MVK: variants seen among roughly 807,000 people sequenced by gnomAD.
MVK encodes mevalonate kinase.
Under a neutral mutation model 43.2 loss-of-function variants are expected in MVK, and 34 were observed. The ratio of observed to expected loss-of-function variants is 0.79; its 90% CI spans 0.60 to 1.05. The LOEUF (loss-of-function observed/expected upper bound fraction) is 1.05. Among genes scored for constraint, MVK ranks in the 50% least tolerant of loss-of-function variants. MVK has a pLI of 0.00. For missense variants in MVK, 395 were observed against 504.0 expected (o/e 0.78, Z 2.07); for synonymous variants, 190 against 219.8 (o/e 0.86, Z 1.20).
chr12:109,579,689 G>T (rs115958711), intron 3 of MVK, 113 bp from the exon 4 acceptor site: 14 of 1,417,618 alleles, frequency 9.9e-6, no homozygotes, highest in Admixed American at 1.8e-5. Flanking sequence ...CCATAAATTC[G>T]TGTCCATCCA....
chr12:109,573,280 G>A (rs549054527), upstream of MVK: 2 of 1,600,726 alleles, frequency 1.2e-6, no homozygotes, highest in Admixed American at 1.7e-5. Context: ...GCGGTGTGAC[G>A]TACCCATGGC....
At chr12:109,582,042 G>A (rs1885240299) in intron 5 of MVK, among the ~76,000 whole-genome samples, 1 of 152,176 alleles carries the variant, frequency 6.6e-6, no homozygotes, top group South Asian at 2.1e-4. Context: ...TTAGACTAGG[G>A]CATCTCTCCT....
chr12:109,577,770 T>C (rs970115082), intron 3 of MVK, among the ~76,000 whole-genome samples: 6 of 152,284 alleles, frequency 3.9e-5, no homozygotes. Context: ...GTAGTGGTGG[T>C]AGGAGTTTTT....
chr12:109,580,627 T>G (rs1885176124), intron 4 of MVK, among the ~76,000 whole-genome samples: 1 of 152,136 alleles, frequency 6.6e-6, no homozygotes. Flanking sequence ...TTCCAGAATC[T>G]TCCAGGCTGG....
Position 109,595,262 on chromosome 12 carries a change from A to G in MVK, c.1039+81A>G. The G allele has an allele frequency of 6.4e-7, 1 of 1,573,750 alleles. No homozygotes were observed. Among genetic ancestry groups the G allele is most frequent in the Non-Finnish European group, 8.6e-7 (1 of 1,160,046 alleles). ...CCTGGAGAATTCCCTTGAAAGGAAA[A>G]AGAGACCTGGAAACAGGTCTCAGCT... On this transcript the variant is annotated intron_variant, in intron 10 of 10. Coordinates refer to ENST00000228510, the MANE Select transcript of MVK (RefSeq NM_000431.4). The surrounding 1 kb of genome is among the most constrained non-coding windows in gnomAD (Gnocchi z 5.9).
At chr12:109,594,677 C>T (rs1885836245) in intron 9 of MVK, among the ~76,000 whole-genome samples, 1 of 152,204 alleles carries the variant, frequency 6.6e-6, no homozygotes, top group African/African-American at 2.4e-5. Context: ...ATTATTTTAG[C>T]AGCTCTAGTG....
rs1318616607 is a variant in MVK at position 109,576,086 on chromosome 12, T to C, written c.167T>C (p.Ile56Thr). 6.2e-7 allele frequency: 1 copy of C among 1,614,156 alleles called. No individual in the cohort carries two copies. The highest frequency in any genetic ancestry group is 8.5e-7 in the Non-Finnish European group (1 of 1,180,020). Reference sequence around the variant, plus strand: ...AAAGTGGACCTCAGCTTACCCAACATTGGTATCAAGCGGGCCTGGGATGTG... The same window carrying C: ...AAAGTGGACCTCAGCTTACCCAACACTGGTATCAAGCGGGCCTGGGATGTG... ...NGKVDLSLPN[I>T]GIKRAWDVAR... is the part of the protein sequence containing the mutation. Residue 56 changes from isoleucine to threonine, a missense_variant, in exon 3 of 11, where the codon ATT (isoleucine) becomes ACT (threonine). By Grantham distance (89) the Ile-to-Thr change is moderately conservative. Transcript: ENST00000228510.
chr12:109,578,579 T>A (rs1161253072), intron 3 of MVK, among the ~76,000 whole-genome samples: 1 of 152,226 alleles, frequency 6.6e-6, no homozygotes, highest in Non-Finnish European at 1.5e-5. Flanking sequence ...TTGGTGACAC[T>A]GAAAGGATTC....
intron 6 of MVK, among the ~76,000 whole-genome samples, chr12:109,586,379 G>C (rs1885432918): frequency 6.6e-6 from 1 of 152,196 alleles, no homozygotes; most frequent in Non-Finnish European, 1.5e-5. Context: ...GAGAGTTGTA[G>C]GTTCAGGATG....
At chr12:109,590,480 C>A in intron 7 of MVK, 2 of 473,024 alleles carry the variant, frequency 4.2e-6, no homozygotes, top group Non-Finnish European at 7.8e-6. Context: ...TATCCCCTCT[C>A]TGGCCCCGGC....
Position 109,579,966 on chromosome 12 carries a change from A to G in MVK, c.371+20A>G, listed in dbSNP as rs142078694. On this transcript the variant is annotated intron_variant, in intron 4 of 10. Coordinates refer to ENST00000228510, the MANE Select transcript of MVK (RefSeq NM_000431.4). ...GCAGAGGTGTGTGCGTGGTCTGGGG[A>G]AGGAGTCCAGATTCAGCCTCCCATG... 5.7e-5 allele frequency: 92 copies of G among 1,614,090 alleles called. No individual in the cohort carries two copies. In the African/African-American group the frequency reaches 1.1e-3, roughly 18 times the overall value.
At chr12:109,591,004 A>G in intron 8 of MVK, 143 bp downstream of exon 8, 2 of 1,001,260 alleles carry the variant, frequency 2.0e-6, no homozygotes, top group Non-Finnish European at 1.5e-6. Flanking sequence ...TTTGGCAGAA[A>G]AGAAGGTACC....
At chr12:109,573,525 C>T, upstream of MVK, 1 of 1,567,888 alleles carries the variant, frequency 6.4e-7, no homozygotes, top group Admixed American at 1.8e-5. Flanking sequence ...GGTTCCCGTC[C>T]AGTCCGCGGG....
chr12:109,590,877 T>C lies in MVK; in HGVS notation c.768+16T>C, dbSNP rs775254414. On this transcript the variant is annotated intron_variant, in intron 8 of 10. Transcript: ENST00000228510. ...GCTGCTCAAGGTGACTCTTGTTCCC[T>C]TCTTGGGCAGGTTTCAGGAAGGCCA... 6.2e-7 allele frequency: 1 copy of C among 1,613,080 alleles called. No individual in the cohort carries two copies. Among genetic ancestry groups the C allele is most frequent in the South Asian group, 1.1e-5 (1 of 91,052 alleles).
In MVK at chr12:109,579,881, T is replaced by A; in HGVS notation, c.306T>A (p.Ala102=). Residue 102 remains alanine (A), a synonymous_variant, in exon 4 of 11, where the codon GCT becomes GCA. Coordinates refer to ENST00000228510, the MANE Select transcript of MVK (RefSeq NM_000431.4). ...TTGCAGGCTTGCCTGACGACTGTGCTGTCACCGAGCGCCTGGCTGTGCTGG... is the reference window on the plus strand; with the variant it reads ...TTGCAGGCTTGCCTGACGACTGTGCAGTCACCGAGCGCCTGGCTGTGCTGG... The part of the protein sequence containing the change: ...KEVAGLPDDC[A]VTERLAVLAF... 3 of 1,614,278 alleles carry A rather than the reference T, an allele frequency of 1.9e-6. No individual in the cohort carries two copies. The highest frequency in any genetic ancestry group is 2.5e-6 in the Non-Finnish European group (3 of 1,180,056).
chr12:109,574,678 AC>A, intron 1 of MVK, 130 bp from the exon 2 acceptor site: 2 of 774,406 alleles, frequency 2.6e-6, no homozygotes, highest in East Asian at 5.4e-5. Context: ...CCTTTCTGGT[AC>A]GTAGCAAGTG....
At position 109,591,131 on chromosome 12, in the gene MVK, A is replaced by T. The variant is rs973466983; in HGVS notation, c.769-110A>T. Reference sequence around the variant, plus strand: ...AGAAGAGAGGTGGTTTCCCCAGAGGATGGGCACGGGCTGTGTGAACACCTC... The same window carrying T: ...AGAAGAGAGGTGGTTTCCCCAGAGGTTGGGCACGGGCTGTGTGAACACCTC... On this transcript the variant is annotated intron_variant, in intron 8 of 10. Coordinates refer to ENST00000228510, the MANE Select transcript of MVK (RefSeq NM_000431.4). 4.5e-6 allele frequency: 5 copies of T among 1,121,240 alleles called. No homozygotes were observed. The African/African-American group carries it at 7.7e-5, about 17-fold the overall frequency. The allele number at this position is 1,121,240 out of a possible 1,614,324, so 69.5% of individuals were successfully genotyped here.
intron 8 of MVK, 55 bp downstream of exon 8, chr12:109,590,916 T>C (rs1593027188): frequency 3.8e-6 from 6 of 1,571,898 alleles, no homozygotes; most frequent in Non-Finnish European, 5.2e-6. Context: ...CACAATTACA[T>C]CTGGATTTTC....
intron 9 of MVK, among the ~76,000 whole-genome samples, chr12:109,591,998 C>G (rs1885703234): frequency 6.6e-6 from 1 of 152,188 alleles, no homozygotes; most frequent in Non-Finnish European, 1.5e-5. Context: ...AGTATTAGCA[C>G]TTTGGGAGGC....
Sources: allele counts gnomAD v4.1 joint callset (sites outside exome capture counted in the v4.1 genomes callset), GRCh38; gene constraint gnomAD v4.1.1; non-coding constraint Gnocchi (gnomAD v3.1); transcripts MANE v1.5; gene names NCBI Gene and HGNC (gene_info 2026-07-23, HGNC 2026-07-21).